The following CTNND2 variants were observed in gnomAD, a reference collection of about 807,000 sequenced individuals.
The protein encoded by CTNND2 is catenin delta-2.
In CTNND2, 22 loss-of-function variants were observed where a neutral mutation model predicts 144.4. The ratio of observed to expected loss-of-function variants is 0.15; its 90% CI spans 0.11 to 0.22. CTNND2 has a LOEUF of 0.22. CTNND2 is among the 10% of genes least tolerant of loss of function. The pLI is 1.00. For synonymous variants in CTNND2, 751 were observed against 695.6 expected, an observed-to-expected ratio of 1.08 and a Z score of -1.25; for missense variants, 1,353 against 1,618.8, an observed-to-expected ratio of 0.84 and a Z score of 2.82.
At position 11,110,768 on chromosome 5, in the gene CTNND2, T is replaced by C. The variant is rs1247534190; in HGVS notation, c.2463+90A>G. 4 of 1,246,998 alleles carry C rather than the reference T, an allele frequency of 3.2e-6. No homozygotes were observed. In the African/African-American group the frequency reaches 4.5e-5, roughly 14 times the overall value. 77.2% of individuals were successfully genotyped at this position (1,246,998 alleles called of 1,614,324 possible). On this transcript the variant is annotated intron_variant, in intron 14 of 21. Transcript: ENST00000304623. ...TAGTGATTTTACCTCCTGATGAAAATGCAGGGCTCATTCTCTATATATTGA... is the reference window on the plus strand; with the variant it reads ...TAGTGATTTTACCTCCTGATGAAAACGCAGGGCTCATTCTCTATATATTGA...
chr5:11,050,437 A>G (rs1009023011), intron 16 of CTNND2, among the ~76,000 whole-genome samples: 8 of 152,230 alleles, frequency 5.3e-5, no homozygotes, highest in Non-Finnish European at 1.2e-4. Flanking sequence ...AGAAAAACTA[A>G]TAATAGATAA....
chr5:11,318,983 T>TATTTAAC (rs1303509519), intron 9 of CTNND2, among the ~76,000 whole-genome samples: 1 of 152,066 alleles, frequency 6.6e-6, no homozygotes, highest in African/African-American at 2.4e-5. Flanking sequence ...AGGCACTGTT[T>TATTTAAC]TAAGCATGCT....
intron 9 of CTNND2, among the ~76,000 whole-genome samples, chr5:11,324,455 G>A (rs258832): frequency 0.76 from 114,869 of 152,110 alleles, 43,566 homozygotes; most frequent in South Asian, 0.85. Context: ...TCATATACTC[G>A]TTTTTTGTTG....
chr5:11,574,116 G>A (rs1777786648), intron 2 of CTNND2, among the ~76,000 whole-genome samples: 3 of 151,906 alleles, frequency 2.0e-5, no homozygotes, highest in African/African-American at 7.2e-5. Flanking sequence ...CAAATGTGGA[G>A]GCAACAGAGC....
At chr5:11,783,504 G>A (rs115128356) in intron 1 of CTNND2, among the ~76,000 whole-genome samples, 22 of 152,248 alleles carry the variant, frequency 1.4e-4, no homozygotes, top group African/African-American at 5.1e-4. Context: ...ATTCCCTCTA[G>A]GCCACAGCCG....
At chr5:11,578,992 C>G (rs16901759) in intron 2 of CTNND2, among the ~76,000 whole-genome samples, 3,874 of 152,238 alleles carry the variant, frequency 0.025, 144 homozygotes, top group African/African-American at 0.08. Flanking sequence ...ATTGATTTTA[C>G]TGTTCATTTC....
At chr5:11,584,173 G>T (rs1990267) in intron 2 of CTNND2, among the ~76,000 whole-genome samples, 1 of 152,082 alleles carries the variant, frequency 6.6e-6, no homozygotes, top group African/African-American at 2.4e-5. Context: ...AATGAACTGA[G>T]GCAGATAAAA....
chr5:11,386,089 A>G (rs1283237950), intron 6 of CTNND2: 1 of 152,242 alleles, frequency 6.6e-6, no homozygotes, highest in Non-Finnish European at 1.5e-5. Context: ...CTGGAGAGAC[A>G]GTTGGAGGGG....
intron 2 of CTNND2, among the ~76,000 whole-genome samples, chr5:11,624,524 G>C (rs941481774): frequency 6.6e-6 from 1 of 152,060 alleles, no homozygotes; most frequent in Admixed American, 6.6e-5. Flanking sequence ...AATGTACTCT[G>C]TAGGTTGTAT....
chr5:11,767,081 T>C (rs1234667746), intron 1 of CTNND2, among the ~76,000 whole-genome samples: 1 of 152,084 alleles, frequency 6.6e-6, no homozygotes, highest in African/African-American at 2.4e-5. Flanking sequence ...ACCAGCAGCA[T>C]TAGCTATCAT....
intron 11 of CTNND2, among the ~76,000 whole-genome samples, chr5:11,177,744 T>C (rs771182035): frequency 7.9e-5 from 12 of 152,198 alleles, no homozygotes; most frequent in Non-Finnish European, 1.8e-4. Flanking sequence ...TTCTGAATAA[T>C]ATATTGCAAA....
intron 10 of CTNND2, among the ~76,000 whole-genome samples, chr5:11,225,754 C>T (rs1740265658): frequency 6.6e-6 from 1 of 152,172 alleles, no homozygotes. Flanking sequence ...CTCTTTGTTA[C>T]TCCTTGTTAT....
chr5:11,788,251 C>A (rs1235352707), intron 1 of CTNND2, among the ~76,000 whole-genome samples: 2 of 152,070 alleles, frequency 1.3e-5, no homozygotes, highest in African/African-American at 2.4e-5. Flanking sequence ...AAGGTTATTC[C>A]CACACATCAA....
In CTNND2 at chr5:11,187,905, C is replaced by A. The variant is rs142625389; in HGVS notation, c.1975+11543G>T. On this transcript the variant is annotated intron_variant, in intron 11 of 21. Coordinates refer to ENST00000304623, the MANE Select transcript of CTNND2 (RefSeq NM_001332.4). ...TGCACATCAAAACCACAATGAGACA[C>A]CTTCTCATACCAGTTAGAATGGTGA... Among the ~76,000 whole-genome samples the A allele has an allele frequency of 1.8e-4, 28 of 152,252 alleles. No homozygotes were observed. In the East Asian group the frequency reaches 5.2e-3, roughly 28 times the overall value.
At chr5:11,152,529 T>C (rs1453932683) in intron 12 of CTNND2, among the ~76,000 whole-genome samples, 1 of 152,172 alleles carries the variant, frequency 6.6e-6, no homozygotes, top group Non-Finnish European at 1.5e-5. Context: ...GGACTCAAGA[T>C]GCATTTCTCA....
intron 9 of CTNND2, among the ~76,000 whole-genome samples, chr5:11,335,056 CCTT>C (rs1362403010): frequency 2.0e-5 from 3 of 152,158 alleles, no homozygotes; most frequent in Admixed American, 6.5e-5. Context: ...CTTTCCTCCT[CCTT>C]CTTGTCTTCT....
At chr5:11,410,271 G>T (rs907349524) in intron 5 of CTNND2, among the ~76,000 whole-genome samples, 1 of 152,134 alleles carries the variant, frequency 6.6e-6, no homozygotes, top group African/African-American at 2.4e-5. Flanking sequence ...GAATTGTATT[G>T]AGAGGATGCA....
At chr5:11,110,419 C>T (rs1227711111) in intron 14 of CTNND2, among the ~76,000 whole-genome samples, 1 of 152,164 alleles carries the variant, frequency 6.6e-6, no homozygotes, top group African/African-American at 2.4e-5. Context: ...CTAAATGCTT[C>T]GAAACCAGCG....
At chr5:11,363,910 G>A (rs1014028475) in intron 8 of CTNND2, among the ~76,000 whole-genome samples, 2 of 152,158 alleles carry the variant, frequency 1.3e-5, no homozygotes, top group African/African-American at 4.8e-5. Context: ...ACTGTCTGCA[G>A]ACCAGCAACA....
Sources: gnomAD v4.1 joint callset for allele counts (sites outside exome capture counted in the v4.1 genomes callset) on GRCh38, gnomAD v4.1.1 for gene constraint, MANE v1.5 for transcripts, NCBI Gene and HGNC (gene_info 2026-07-23, HGNC 2026-07-21) for gene names.